TSN: variants seen among roughly 807,000 people sequenced by gnomAD.
The protein encoded by TSN is component 3 of promoter of RISC.
TSN carries 5 observed loss-of-function variants against 29.4 expected under a neutral mutation model. The observed-to-expected ratio is 0.17, with a 90% CI of 0.09 to 0.36. The LOEUF is 0.36. Among genes scored for constraint, TSN ranks in the 10% least tolerant of loss-of-function variants. The pLI is 1.00. For missense variants in TSN, 159 were observed against 272.8 expected (o/e 0.58, Z 2.94); for synonymous variants, 106 against 102.2 (o/e 1.04, Z -0.23).
chr2:121,756,804 G>A (rs2074756055), intron 1 of TSN: 3 of 331,000 alleles, frequency 9.1e-6, no homozygotes, highest in Non-Finnish European at 1.1e-5. Context: ...AGCTACTCGG[G>A]AGGCTGAAGC....
chr2:121,758,712 C>A lies in TSN; in HGVS notation c.163C>A (p.Pro55Thr). 2 of 1,574,110 alleles carry A rather than the reference C, an allele frequency of 1.3e-6. No homozygotes were observed. Among genetic ancestry groups the A allele is most frequent in the Admixed American group, 1.9e-5 (1 of 51,938 alleles). ...ATTTGGTTATCTTTTGTGACTAGTT[C>A]CAAAGAGGTGTTTGAAAGCTCGAGA... Reference protein sequence around the residue: ...VHQGAGFQDIPKRCLKAREHF... With the variant: ...VHQGAGFQDITKRCLKAREHF... The change falls in exon 3 of 6, where the codon CCA becomes ACA. Residue 55 changes from proline (P) to threonine (T), a missense_variant and splice_region_variant. Pro to Thr is a conservative substitution (Grantham distance 38). Coordinates refer to ENST00000389682, the MANE Select transcript of TSN (RefSeq NM_004622.3).
chr2:121,758,878 A>T (rs1303782582), intron 3 of TSN, 72 bp downstream of exon 3: 15 of 1,042,696 alleles, frequency 1.4e-5, no homozygotes, highest in Non-Finnish European at 2.0e-5. Flanking sequence ...GTACCAAATG[A>T]TTGCTTACAA....
intron 4 of TSN, among the ~76,000 whole-genome samples, chr2:121,762,192 A>G (rs2074840728): frequency 6.6e-6 from 1 of 151,684 alleles, no homozygotes; most frequent in Admixed American, 6.6e-5. Flanking sequence ...AGGTTTCTCC[A>G]TGTTGGTCGG....
intron 4 of TSN, 26 bp downstream of exon 4, chr2:121,761,550 G>A (rs1173462573): frequency 1.3e-6 from 2 of 1,522,214 alleles, no homozygotes; most frequent in East Asian, 4.5e-5. Context: ...AGTGGGATCT[G>A]CAGAATCAGG....
At chr2:121,759,047 T>C (rs1168550779) in intron 3 of TSN, among the ~76,000 whole-genome samples, 2 of 151,972 alleles carry the variant, frequency 1.3e-5, no homozygotes, top group Non-Finnish European at 2.9e-5. Flanking sequence ...AAAAAGAAAA[T>C]GTGGTATGAG....
chr2:121,759,840 C>T (rs1209717119), intron 3 of TSN, among the ~76,000 whole-genome samples: 1 of 152,152 alleles, frequency 6.6e-6, no homozygotes, highest in Non-Finnish European at 1.5e-5. Flanking sequence ...TGACAAACCA[C>T]TAGTGGCTGC....
chr2:121,756,406 C>T lies in TSN; in HGVS notation c.66+561C>T, dbSNP rs114868105. The stretch of plus-strand genomic sequence containing the variant: ...TTTCCTGATTGTCTCGTATTTATCT[C>T]ATTGGCGTCACAGTCTAAGCGATCT... On this transcript the variant is annotated intron_variant, in intron 1 of 5. Transcript: ENST00000389682. 3.4e-3 allele frequency: 821 copies of T among 244,994 alleles called. 10 individuals are homozygous for T. Among genetic ancestry groups the T allele is most frequent in the African/African-American group, 0.018 (756 of 42,256 alleles). 15.2% of individuals were successfully genotyped at this position (244,994 alleles called of 1,614,324 possible).
chr2:121,759,135 A>G (rs2074787430), intron 3 of TSN, among the ~76,000 whole-genome samples: 1 of 152,212 alleles, frequency 6.6e-6, no homozygotes, highest in Non-Finnish European at 1.5e-5. Flanking sequence ...TGAAATAATG[A>G]GATTAGGTGG....
chr2:121,758,635 A>C (rs1558690583), intron 2 of TSN, 75 bp from the exon 3 acceptor site: 4 of 1,096,536 alleles, frequency 3.6e-6, no homozygotes, highest in Admixed American at 2.9e-5. Flanking sequence ...TTCCAGATAG[A>C]TTACTTAGAT....
In TSN at chr2:121,765,582, A is replaced by G. The variant is rs180966758; in HGVS notation, c.*215A>G. 3.4e-6 allele frequency: 2 copies of G among 579,866 alleles called. No homozygotes were observed. The highest frequency in any genetic ancestry group is 6.1e-6 in the Non-Finnish European group (2 of 326,678). 35.9% of individuals were successfully genotyped at this position (579,866 alleles called of 1,614,324 possible). A position where few individuals can be genotyped will look rare whatever the true frequency, so the allele number is the denominator to read the frequency against. On this transcript the variant is annotated 3_prime_UTR_variant, in exon 6 of 6. Coordinates refer to ENST00000389682, the MANE Select transcript of TSN (RefSeq NM_004622.3). ...AGAATTTTTTTTGTTGTTTCAGTGA[A>G]TATGCCTGTAATTCAGTGTATTTCA...
rs187719044 is a variant in TSN at position 121,760,871 on chromosome 2, CTTT to C, written c.258-523_258-521del. Among the ~76,000 whole-genome samples the C allele has an allele frequency of 4.6e-4, 61 of 132,816 alleles. 1 individual carries two copies. The highest frequency in any genetic ancestry group is 1.6e-3 in the African/African-American group (55 of 35,002). The allele number at this position is 132,816 out of a possible 152,430, so 87.1% of individuals were successfully genotyped here. On this transcript the variant is annotated intron_variant, in intron 3 of 5. Coordinates refer to ENST00000389682, the MANE Select transcript of TSN (RefSeq NM_004622.3). ...TAATCTTCAGTTTTCTTTTTTCTGT[CTTT>C]TTTTTTTTTTTTTTGAGACGGAGTG...
At chr2:121,762,309 T>C (rs1055926403) in intron 4 of TSN, among the ~76,000 whole-genome samples, 1 of 152,120 alleles carries the variant, frequency 6.6e-6, no homozygotes, top group Non-Finnish European at 1.5e-5. Flanking sequence ...TGTATTTTTT[T>C]AGTAGAAACA....
Position 121,755,792 on chromosome 2 carries a change from G to A in TSN, c.13G>A (p.Glu5Lys), listed in dbSNP as rs757404924. 6.2e-7 allele frequency: 1 copy of A among 1,613,992 alleles called. No homozygotes were observed. The highest frequency in any genetic ancestry group is 1.7e-5 in the Admixed American group (1 of 60,020). Residue 5 changes from glutamate (E) to lysine (K), a missense_variant, in exon 1 of 6, where the codon GAG (glutamate) becomes AAG (lysine). By Grantham distance (56) the Glu-to-Lys change is moderately conservative. Coordinates refer to ENST00000389682, the MANE Select transcript of TSN (RefSeq NM_004622.3). ...TGCAGCCGGCGCCATGTCTGTGAGC[G>A]AGATCTTCGTGGAGCTGCAGGGCTT... MSVS[E>K]IFVELQGFLA...
chr2:121,765,415 A>G lies in TSN; in HGVS notation c.*48A>G, dbSNP rs759259489. ...TTGCTGACCTCAGCGGTTGCCAGGA[A>G]GGGGTGAGCACAGAGTGCCTCTTAC... On this transcript the variant is annotated 3_prime_UTR_variant, in exon 6 of 6. Coordinates refer to ENST00000389682, the MANE Select transcript of TSN (RefSeq NM_004622.3). 1.3e-5 allele frequency: 21 copies of G among 1,577,822 alleles called. No homozygotes were observed. In the African/African-American group the frequency reaches 2.4e-4, roughly 18 times the overall value.
Position 121,757,277 on chromosome 2 carries a change from C to T in TSN, c.104C>T (p.Ala35Val). 6.2e-7 allele frequency: 1 copy of T among 1,614,122 alleles called. No homozygotes were observed. Among genetic ancestry groups the T allele is most frequent in the Non-Finnish European group, 8.5e-7 (1 of 1,180,012 alleles). Residue 35 changes from alanine (A) to valine (V), a missense_variant, in exon 2 of 6, where the codon GCT becomes GTT. By Grantham distance (64) the Ala-to-Val change is moderately conservative (BLOSUM62 0). Coordinates refer to ENST00000389682, the MANE Select transcript of TSN (RefSeq NM_004622.3). ...RKVVQSLEQT[A>V]REILTLLQGV... ...GTTGTACAGAGTTTAGAACAAACAG[C>T]TCGAGAGATTTTAACTCTACTGCAA...
intron 3 of TSN, among the ~76,000 whole-genome samples, chr2:121,760,239 C>A (rs1332115647): frequency 1.3e-5 from 2 of 152,210 alleles, no homozygotes; most frequent in African/African-American, 4.8e-5. Context: ...TGCGAGGGAT[C>A]TAGGTTGCAT....
chr2:121,761,097 T>C (rs938636946), intron 3 of TSN, among the ~76,000 whole-genome samples: 1 of 152,162 alleles, frequency 6.6e-6, no homozygotes, highest in South Asian at 2.1e-4. Context: ...CTTGAACTCC[T>C]TACCTCAGAT....
At chr2:121,763,137 GTTTTT>G (rs1009875344) in intron 5 of TSN, 53 bp downstream of exon 5, 446 of 507,612 alleles carry the variant, frequency 8.8e-4, no homozygotes, top group Non-Finnish European at 1.0e-3. Context: ...TTCACTGTCA[GTTTTT>G]TTTTTTTTTT....
chr2:121,757,494 CCA>C (rs2074767314), intron 2 of TSN, 161 bp downstream of exon 2: 2 of 1,360,004 alleles, frequency 1.5e-6, no homozygotes, highest in East Asian at 5.0e-5. Flanking sequence ...TCTTCCACTT[CCA>C]CACAGTATGG....
Sources: allele counts gnomAD v4.1 joint callset (sites outside exome capture counted in the v4.1 genomes callset), GRCh38; gene constraint gnomAD v4.1.1; transcripts MANE v1.5; gene names NCBI Gene and HGNC (gene_info 2026-07-23, HGNC 2026-07-21).